TLK1: variants seen among roughly 807,000 people sequenced by gnomAD.
TLK1 encodes serine/threonine-protein kinase tousled-like 1.
In TLK1, 24 loss-of-function variants were observed where a neutral mutation model predicts 105.3. The observed-to-expected ratio is 0.23, with a 90% CI of 0.17 to 0.32. The LOEUF is 0.32. Among genes scored for constraint, TLK1 ranks in the 10% least tolerant of loss-of-function variants. The pLI is 1.00. For synonymous variants in TLK1, 321 were observed against 310.4 expected, an observed-to-expected ratio of 1.03 and a Z score of -0.36; for missense variants, 558 against 910.5, an observed-to-expected ratio of 0.61 and a Z score of 4.98.
At chr2:171,087,848 C>T (rs1158650966) in intron 2 of TLK1, among the ~76,000 whole-genome samples, 1 of 152,190 alleles carries the variant, frequency 6.6e-6, no homozygotes, top group African/African-American at 2.4e-5. Flanking sequence ...GCATAAGGCA[C>T]AGCTGAGAAA....
chr2:171,131,707 G>A (rs887552488), intron 1 of TLK1, among the ~76,000 whole-genome samples: 10 of 151,998 alleles, frequency 6.6e-5, no homozygotes, highest in Non-Finnish European at 1.3e-4. Context: ...AATCATGAAC[G>A]CATGGTAAAG....
chr2:171,060,112 A>C (rs946276159), intron 4 of TLK1: 64 of 1,441,880 alleles, frequency 4.4e-5, no homozygotes, highest in Non-Finnish European at 5.4e-5. Flanking sequence ...ACAAGAAAAA[A>C]CAATTTAGGC....
intron 19 of TLK1, among the ~76,000 whole-genome samples, chr2:170,997,145 G>A (rs1042813367): frequency 3.3e-5 from 5 of 152,294 alleles, no homozygotes; most frequent in Middle Eastern, 3.4e-3. Context: ...CATCACAGGC[G>A]AATTTAAATG....
At chr2:171,161,272 C>T (rs1418619937), upstream of TLK1, among the ~76,000 whole-genome samples, 1 of 151,840 alleles carries the variant, frequency 6.6e-6, no homozygotes, top group East Asian at 1.9e-4. Flanking sequence ...GCGCGCCTCT[C>T]TCCTGACCCA....
At chr2:171,190,973 C>A (rs1311136337) in intron 1 of TLK1, among the ~76,000 whole-genome samples, 1 of 151,342 alleles carries the variant, frequency 6.6e-6, no homozygotes, top group Non-Finnish European at 1.5e-5. Context: ...ACTAGCCTGG[C>A]CAATATGGTG....
At chr2:171,115,965 GT>G (rs1690408601) in intron 2 of TLK1, among the ~76,000 whole-genome samples, 1 of 151,876 alleles carries the variant, frequency 6.6e-6, no homozygotes, top group Admixed American at 6.6e-5. Context: ...TAATAAAGTT[GT>G]TTTTCATAAT....
At chr2:171,132,552 T>C (rs572932614) in intron 1 of TLK1, among the ~76,000 whole-genome samples, 2 of 152,372 alleles carry the variant, frequency 1.3e-5, no homozygotes, top group East Asian at 3.8e-4. Context: ...GGTATTTTAG[T>C]AAAAGTTTTT....
intron 1 of TLK1, among the ~76,000 whole-genome samples, chr2:171,219,261 G>T (rs1211861054): frequency 6.6e-6 from 1 of 152,132 alleles, no homozygotes; most frequent in African/African-American, 2.4e-5. Context: ...TTCATTCCTT[G>T]CCTCTTTCAA....
At chr2:171,005,046 T>C (rs1313785300) in intron 18 of TLK1, among the ~76,000 whole-genome samples, 1 of 152,236 alleles carries the variant, frequency 6.6e-6, no homozygotes, top group East Asian at 1.9e-4. Flanking sequence ...TATGATGTGC[T>C]CAGTTTGTGT....
chr2:171,170,111 A>C (rs1236067930), intron 1 of TLK1, among the ~76,000 whole-genome samples: 1 of 152,200 alleles, frequency 6.6e-6, no homozygotes, highest in African/African-American at 2.4e-5. Flanking sequence ...ATTCCCTATT[A>C]ATAGAAAAAG....
At chr2:171,001,745 A>G (rs1684385076) in intron 18 of TLK1, among the ~76,000 whole-genome samples, 1 of 152,044 alleles carries the variant, frequency 6.6e-6, no homozygotes, top group Admixed American at 6.5e-5. Context: ...TCAGGCAGCT[A>G]TCCTTTCTCC....
At position 171,160,056 on chromosome 2, in the gene TLK1, A is replaced by G. The variant is rs991781873; in HGVS notation, c.139+234T>C. On this transcript the variant is annotated intron_variant, in intron 1 of 20. Coordinates refer to ENST00000431350, the MANE Select transcript of TLK1 (RefSeq NM_012290.5). This position sits in a 1 kb window ranked among gnomAD's most constrained non-coding sequence, Gnocchi z 4.4. ...AGTCTATGCGCCTCGCCCCGTCCCC[A>G]CCAGCGCGCACCCCCTCGTCCGTCT... Among the ~76,000 whole-genome samples the G allele has an allele frequency of 1.3e-5, 2 of 151,862 alleles. No individual in the cohort carries two copies. The highest frequency in any genetic ancestry group is 4.8e-5 in the African/African-American group (2 of 41,328).
chr2:171,201,033 T>G (rs218309), intron 1 of TLK1, among the ~76,000 whole-genome samples: 4,095 of 151,806 alleles, frequency 0.027, 92 homozygotes, highest in Non-Finnish European at 0.037. Flanking sequence ...AGGTGCATGC[T>G]AACATGCCCA....
intron 1 of TLK1, among the ~76,000 whole-genome samples, chr2:171,159,395 G>A (rs1045309772): frequency 3.9e-5 from 6 of 152,194 alleles, no homozygotes; most frequent in African/African-American, 1.4e-4. Flanking sequence ...ACAGCAAGTT[G>A]AAATTTTAGT....
At chr2:171,108,475 T>C (rs1023446582) in intron 2 of TLK1, among the ~76,000 whole-genome samples, 1 of 152,072 alleles carries the variant, frequency 6.6e-6, no homozygotes, top group Non-Finnish European at 1.5e-5. Flanking sequence ...CATTAAGCAA[T>C]AGATGGCAGA....
intron 1 of TLK1, chr2:171,159,762 C>A (rs1426747878): frequency 2.0e-5 from 3 of 152,660 alleles, no homozygotes; most frequent in African/African-American, 7.2e-5. Context: ...CAGCGTCTCT[C>A]CCCAAAGGAG....
At chr2:171,138,611 T>C (rs111976196) in intron 1 of TLK1, among the ~76,000 whole-genome samples, 6 of 152,336 alleles carry the variant, frequency 3.9e-5, no homozygotes, top group African/African-American at 1.4e-4. Context: ...TTGGCAGTAA[T>C]GAGCAGGAGT....
At chr2:171,121,004 T>G (rs1006617882) in intron 1 of TLK1, among the ~76,000 whole-genome samples, 1 of 152,002 alleles carries the variant, frequency 6.6e-6, no homozygotes, top group African/African-American at 2.4e-5. Context: ...AACACGGAGA[T>G]CTCCGAAGAT....
chr2:171,151,470 C>CTTT (rs55670860), intron 1 of TLK1, among the ~76,000 whole-genome samples: 37 of 124,246 alleles, frequency 3.0e-4, no homozygotes, highest in Middle Eastern at 4.6e-3. Context: ...ATATGTGTAT[C>CTTT]TTTTTTTTTT....
Sources: gnomAD v4.1 joint callset for allele counts (sites outside exome capture counted in the v4.1 genomes callset) on GRCh38, gnomAD v4.1.1 for gene constraint, Gnocchi (gnomAD v3.1) non-coding constraint, MANE v1.5 for transcripts, NCBI Gene and HGNC (gene_info 2026-07-23, HGNC 2026-07-21) for gene names.